The following HOMER1 variants were observed in gnomAD, a reference collection of about 807,000 sequenced individuals.
HOMER1 encodes the protein homer scaffold protein 1.
In HOMER1, 3 loss-of-function variants were observed where a neutral mutation model predicts 48.9. The ratio of observed to expected loss-of-function variants is 0.06; its 90% CI spans 0.03 to 0.16. HOMER1 has a LOEUF of 0.16. Among genes scored for constraint, HOMER1 ranks in the 10% least tolerant of loss-of-function variants. HOMER1 has a pLI of 1.00. For missense variants in HOMER1, 247 were observed against 411.4 expected, an observed-to-expected ratio of 0.60 and a Z score of 3.46; for synonymous variants, 134 against 146.4, an observed-to-expected ratio of 0.92 and a Z score of 0.61.
At chr5:79,422,626 A>G (rs1750132933) in intron 5 of HOMER1, among the ~76,000 whole-genome samples, 1 of 151,986 alleles carries the variant, frequency 6.6e-6, no homozygotes, top group Non-Finnish European at 1.5e-5. Context: ...AAAAAAGAAA[A>G]AAACAGTAGA....
At chr5:79,446,524 T>A (rs1281836571) in intron 4 of HOMER1, among the ~76,000 whole-genome samples, 1 of 152,234 alleles carries the variant, frequency 6.6e-6, no homozygotes, top group Non-Finnish European at 1.5e-5. Context: ...ACAAGCACAT[T>A]AAATAATTTG....
chr5:79,487,227 C>T (rs993561714), intron 1 of HOMER1, among the ~76,000 whole-genome samples: 11 of 152,052 alleles, frequency 7.2e-5, no homozygotes, highest in South Asian at 4.1e-4. Flanking sequence ...TGCAGTGAGC[C>T]GAGACAGCAC....
rs1238701637 is a variant in HOMER1, at chr5:79,376,209, A to G, written c.877-12T>C. The G allele has an allele frequency of 1.3e-6, 2 of 1,599,550 alleles. No individual in the cohort carries two copies. The highest frequency in any genetic ancestry group is 1.7e-4 in the Middle Eastern group (1 of 6,008). On this transcript the variant is annotated splice_polypyrimidine_tract_variant and intron_variant, in intron 8 of 8. Coordinates refer to ENST00000334082, the MANE Select transcript of HOMER1 (RefSeq NM_004272.5). Reference sequence around the variant, plus strand: ...CGAATTTCTACTTCCTTCAGAAACAAAAGTGTAACATGTATATATGTCAAT... The same window carrying G: ...CGAATTTCTACTTCCTTCAGAAACAGAAGTGTAACATGTATATATGTCAAT...
intron 1 of HOMER1, among the ~76,000 whole-genome samples, chr5:79,474,539 A>G (rs1016373254): frequency 1.1e-4 from 16 of 152,164 alleles, no homozygotes; most frequent in African/African-American, 3.6e-4. Flanking sequence ...TATCTTAATG[A>G]CAGTGCTAGG....
At chr5:79,398,977 G>C (rs1749467132) in intron 6 of HOMER1, among the ~76,000 whole-genome samples, 1 of 152,026 alleles carries the variant, frequency 6.6e-6, no homozygotes, top group South Asian at 2.1e-4. Flanking sequence ...CTCTCCTCTG[G>C]TTCACAAAAC....
intron 1 of HOMER1, among the ~76,000 whole-genome samples, chr5:79,502,113 GGGTT>G (rs1752610484): frequency 6.8e-6 from 1 of 147,028 alleles, no homozygotes; most frequent in African/African-American, 2.5e-5. Flanking sequence ...TCCACCTCCT[GGGTT>G]CAAGCAATTC....
chr5:79,492,245 TA>T (rs913350146), intron 1 of HOMER1, among the ~76,000 whole-genome samples: 10 of 151,496 alleles, frequency 6.6e-5, no homozygotes, highest in African/African-American at 1.9e-4. Flanking sequence ...AGTGCCCATA[TA>T]AAAAAAAATC....
At chr5:79,510,712 C>G (rs1752916984) in intron 1 of HOMER1, 9 of 815,526 alleles carry the variant, frequency 1.1e-5, no homozygotes, top group Non-Finnish European at 1.7e-5. Flanking sequence ...GCCGCAAGCT[C>G]AACTTGCCTA....
chr5:79,502,917 A>G (rs984493717), intron 1 of HOMER1, among the ~76,000 whole-genome samples: 1 of 152,110 alleles, frequency 6.6e-6, no homozygotes, highest in South Asian at 2.1e-4. Flanking sequence ...CAGCCTCCCG[A>G]GTAGCTGTGA....
intron 1 of HOMER1, among the ~76,000 whole-genome samples, chr5:79,459,624 A>C (rs1751261279): frequency 6.6e-6 from 1 of 152,252 alleles, no homozygotes. Flanking sequence ...AGGGCATACT[A>C]ATAAATGATT....
At chr5:79,411,205 C>A (rs1252007540) in intron 5 of HOMER1, among the ~76,000 whole-genome samples, 1 of 152,162 alleles carries the variant, frequency 6.6e-6, no homozygotes, top group African/African-American at 2.4e-5. Flanking sequence ...AAAGTTCTGG[C>A]CAGGCACAGT....
At chr5:79,454,256 T>G (rs1181843073) in intron 2 of HOMER1, among the ~76,000 whole-genome samples, 1 of 152,120 alleles carries the variant, frequency 6.6e-6, no homozygotes, top group Non-Finnish European at 1.5e-5. Flanking sequence ...TTCCATATGG[T>G]TTCTTTTCTC....
intron 8 of HOMER1, among the ~76,000 whole-genome samples, chr5:79,379,114 A>AT (rs70975748): frequency 0.038 from 3,070 of 81,784 alleles, 327 homozygotes; most frequent in African/African-American, 0.076. Context: ...ATATATATAT[A>AT]AAATATATAA....
intron 1 of HOMER1, among the ~76,000 whole-genome samples, chr5:79,508,751 C>G (rs1009961254): frequency 1.3e-5 from 2 of 152,206 alleles, no homozygotes; most frequent in African/African-American, 4.8e-5. Context: ...CCAACACACA[C>G]TTTGTGTCTC....
At chr5:79,454,461 T>G (rs1242985353) in intron 2 of HOMER1, among the ~76,000 whole-genome samples, 2 of 151,840 alleles carry the variant, frequency 1.3e-5, no homozygotes, top group South Asian at 2.1e-4. Flanking sequence ...GGAAAAGAAA[T>G]AAACACTCTA....
At chr5:79,406,845 G>A (rs961238022) in intron 5 of HOMER1, among the ~76,000 whole-genome samples, 10 of 152,202 alleles carry the variant, frequency 6.6e-5, no homozygotes, top group African/African-American at 2.4e-4. Context: ...GAATTTACCT[G>A]TTACTGGGAG....
chr5:79,422,022 T>C (rs1471261522), intron 5 of HOMER1, among the ~76,000 whole-genome samples: 1 of 151,858 alleles, frequency 6.6e-6, no homozygotes, highest in Non-Finnish European at 1.5e-5. Flanking sequence ...AGGTCAGGAG[T>C]TCGAGACCAG....
At chr5:79,392,954 G>GGGGAGAGAGA (rs758464934) in intron 8 of HOMER1, among the ~76,000 whole-genome samples, 13 of 140,880 alleles carry the variant, frequency 9.2e-5, no homozygotes, top group African/African-American at 2.7e-4. Context: ...GAAGGGAAAG[G>GGGGAGAGAGA]GAGAGAGAGA....
At chr5:79,407,444 A>G (rs1402318316) in intron 5 of HOMER1, among the ~76,000 whole-genome samples, 1 of 152,252 alleles carries the variant, frequency 6.6e-6, no homozygotes, top group Non-Finnish European at 1.5e-5. Context: ...GTGTTAGTGG[A>G]AAGAAGGACA....
Sources: gnomAD v4.1 joint callset for allele counts (sites outside exome capture counted in the v4.1 genomes callset) on GRCh38, gnomAD v4.1.1 for gene constraint, MANE v1.5 for transcripts, NCBI Gene and HGNC (gene_info 2026-07-23, HGNC 2026-07-21) for gene names.